Variants in SMARCA2 observed in about 807,000 individuals in gnomAD.
The protein encoded by SMARCA2 is SWI/SNF related BAF chromatin remodeling complex subunit ATPase 2, also known as SWI/SNF-related matrix-associated actin-dependent regulator of chromatin subfamily A member 2.
SMARCA2 carries 61 observed loss-of-function variants against 199.8 expected under a neutral mutation model. The ratio of observed to expected loss-of-function variants is 0.31; its 90% confidence interval spans 0.25 to 0.38. SMARCA2 has a LOEUF of 0.38. Ranked by LOEUF, SMARCA2 falls within the 10% of genes least tolerant of loss-of-function variation. The pLI is 1.00. For missense variants in SMARCA2, 1,344 were observed against 2,012.2 expected, an observed-to-expected ratio of 0.67 and a Z score of 6.35; for synonymous variants, 935 against 732.0, an observed-to-expected ratio of 1.28 and a Z score of -4.48.
At chr9:2,088,877 A>T (rs1212210957) in intron 19 of SMARCA2, among the ~76,000 whole-genome samples, 2 of 97,550 alleles carry the variant, frequency 2.1e-5, no homozygotes, top group Admixed American at 9.4e-5. Flanking sequence ...TTTTAATTTT[A>T]GATTTTTTTT....
intron 19 of SMARCA2, among the ~76,000 whole-genome samples, chr9:2,092,148 C>A (rs1339733432): frequency 1.3e-5 from 2 of 152,166 alleles, no homozygotes; most frequent in Non-Finnish European, 2.9e-5. Context: ...TTAAGGTTGT[C>A]TGTGCTGACT....
At chr9:2,074,553 A>G (rs1821237767) in intron 12 of SMARCA2, among the ~76,000 whole-genome samples, 1 of 152,190 alleles carries the variant, frequency 6.6e-6, no homozygotes, top group Non-Finnish European at 1.5e-5. Flanking sequence ...AAGTTACATT[A>G]CAAAAAAGCA....
intron 27 of SMARCA2, among the ~76,000 whole-genome samples, chr9:2,146,378 C>T (rs936610627): frequency 1.3e-5 from 2 of 152,068 alleles, no homozygotes; most frequent in African/African-American, 2.4e-5. Context: ...AAGAAATATG[C>T]GAAATCAGGA....
intron 1 of SMARCA2, 83 bp from the exon 2 acceptor site, chr9:2,028,904 C>A (rs931952317): frequency 4.4e-6 from 5 of 1,143,924 alleles, no homozygotes; most frequent in South Asian, 1.4e-5. Flanking sequence ...AGAAATGGCA[C>A]CATCAAATGC....
chr9:2,152,413 TGTG>T, intron 27 of SMARCA2, among the ~76,000 whole-genome samples: 1 of 151,318 alleles, frequency 6.6e-6, no homozygotes, highest in Admixed American at 6.6e-5. Context: ...ATTAGCCAGG[TGTG>T]GTGGCTCATG....
chr9:2,176,632 A>T (rs1586796352), intron 29 of SMARCA2, among the ~76,000 whole-genome samples: 1 of 151,344 alleles, frequency 6.6e-6, no homozygotes, highest in Non-Finnish European at 1.5e-5. Context: ...GCTCGCTGCG[A>T]CCTCTGCCTC....
intron 19 of SMARCA2, among the ~76,000 whole-genome samples, chr9:2,094,634 A>C (rs957162545): frequency 6.6e-6 from 1 of 152,204 alleles, no homozygotes; most frequent in Non-Finnish European, 1.5e-5. Flanking sequence ...TTCTATTTCA[A>C]ATCCTAACTG....
intron 25 of SMARCA2, among the ~76,000 whole-genome samples, chr9:2,118,202 T>A (rs894949389): frequency 6.6e-6 from 1 of 152,188 alleles, no homozygotes; most frequent in Non-Finnish European, 1.5e-5. Flanking sequence ...TATTTTGTAC[T>A]GTGAAGTCTG....
In SMARCA2 at chr9:2,110,059, CTGTTTCTTTCT is replaced by C. The variant is rs1822929412; in HGVS notation, c.3293-193_3293-183del. Among the ~76,000 whole-genome samples, 1 of 152,076 alleles carries C rather than the reference CTGTTTCTTTCT, an allele frequency of 6.6e-6. No homozygotes were observed. Among genetic ancestry groups the C allele is most frequent in the African/African-American group, 2.4e-5 (1 of 41,424 alleles). Reference sequence around the variant, plus strand: ...AGATGCCTCATTAGAAATGTTTAAGCTGTTTCTTTCTTTTTTTTTGTAATTGCAAAATGTTC... The same window carrying C: ...AGATGCCTCATTAGAAATGTTTAAGCTTTTTTTTGTAATTGCAAAATGTTC... On this transcript the variant is annotated intron_variant, in intron 23 of 33. Coordinates refer to ENST00000349721, the MANE Select transcript of SMARCA2 (RefSeq NM_003070.5). This position sits in a 1 kb window ranked among gnomAD's most constrained non-coding sequence, Gnocchi z 4.8.
intron 5 of SMARCA2, among the ~76,000 whole-genome samples, chr9:2,051,259 TCTC>T (rs1214829355): frequency 1.3e-5 from 2 of 152,164 alleles, no homozygotes; most frequent in African/African-American, 2.4e-5. Flanking sequence ...CCTTTCCTCT[TCTC>T]CTAGAGTTTG....
chr9:2,186,200 G>C lies in SMARCA2; in HGVS notation c.4566G>C (p.Glu1522Asp). The C allele has an allele frequency of 6.2e-7, 1 of 1,614,052 alleles. No homozygotes were observed. The highest frequency in any genetic ancestry group is 1.3e-5 in the African/African-American group (1 of 75,036). Residue 1522 changes from glutamate (E) to aspartate (D), a missense_variant, in exon 32 of 34, where the codon GAG (glutamate) becomes GAC (aspartate). Physicochemically the swap from Glu to Asp is conservative, Grantham distance 45. Coordinates refer to ENST00000349721, the MANE Select transcript of SMARCA2 (RefSeq NM_003070.5). ...ATGAAAGCAATGAAGAGGAGGAAGA[G>C]GAAGATGAAGAAGAGTCAGAGTCCG... ...SEDESNEEEE[E>D]EDEEESESEA...
Position 2,057,881 on chromosome 9 carries a change from T to C in SMARCA2, c.1348-410T>C, listed in dbSNP as rs549782539. Among the ~76,000 whole-genome samples the C allele has an allele frequency of 7.9e-5, 12 of 152,336 alleles. No homozygotes were observed. In the South Asian group the frequency reaches 2.5e-3, roughly 32 times the overall value. ...ATTTTGTGTCATACTCTAGGGTAGT[T>C]AGAGCAGAAAAACATTACTTTTGTG... On this transcript the variant is annotated intron_variant, in intron 7 of 33. Coordinates refer to ENST00000349721, the MANE Select transcript of SMARCA2 (RefSeq NM_003070.5).
intron 27 of SMARCA2, among the ~76,000 whole-genome samples, chr9:2,125,193 T>C (rs7036838): frequency 0.025 from 3,784 of 152,302 alleles, 93 homozygotes; most frequent in Non-Finnish European, 0.032. Context: ...TGGGAGCCTG[T>C]GATTCTGAAA....
At position 2,191,135 on chromosome 9, in the gene SMARCA2, G is replaced by A. The variant is rs375097601; in HGVS notation, c.4595-131G>A. ...GACTAGACAGAACCACACAGAACAG[G>A]CATAAACCGGGAATGTTCTGGGCAC... On this transcript the variant is annotated intron_variant, in intron 32 of 33. Transcript: ENST00000349721. 240 of 846,094 alleles carry A rather than the reference G, an allele frequency of 2.8e-4. No individual in the cohort carries two copies. The African/African-American group carries it at 3.7e-3, about 13-fold the overall frequency. 52.4% of individuals were successfully genotyped at this position (846,094 alleles called of 1,614,324 possible). A position where few individuals can be genotyped will look rare whatever the true frequency, so the allele number is the denominator to read the frequency against.
chr9:2,102,961 G>GTTT (rs111370241), intron 22 of SMARCA2, among the ~76,000 whole-genome samples: 52 of 137,590 alleles, frequency 3.8e-4, no homozygotes, highest in Admixed American at 5.1e-4. Context: ...CATGCTCCCT[G>GTTT]TTTTTTTTTT....
At chr9:2,188,518 G>T (rs890245524) in intron 32 of SMARCA2, among the ~76,000 whole-genome samples, 2 of 152,088 alleles carry the variant, frequency 1.3e-5, no homozygotes, top group African/African-American at 4.8e-5. Context: ...GAATACATCT[G>T]CATCATCTAT....
At chr9:2,062,159 C>G (rs1820622652) in intron 9 of SMARCA2, among the ~76,000 whole-genome samples, 1 of 152,154 alleles carries the variant, frequency 6.6e-6, no homozygotes, top group South Asian at 2.1e-4. Flanking sequence ...TACCACTGAA[C>G]TGTAGACTTA....
At chr9:2,183,965 T>A (rs553519804) in intron 31 of SMARCA2, among the ~76,000 whole-genome samples, 1 of 152,322 alleles carries the variant, frequency 6.6e-6, no homozygotes, top group East Asian at 1.9e-4. Context: ...ACAACTGAAA[T>A]AAGGTGTCAA....
Position 2,169,874 on chromosome 9 carries a change from C to T in SMARCA2, c.4200-545C>T, listed in dbSNP as rs1044080864. On this transcript the variant is annotated intron_variant, in intron 28 of 33. Coordinates refer to ENST00000349721, the MANE Select transcript of SMARCA2 (RefSeq NM_003070.5). The surrounding 1 kb of genome is among the most constrained non-coding windows in gnomAD (Gnocchi z 6.5). ...CTAAAGATCATGAATTCAGTGATCTCTCGAAAAGGAATAGAGCTCTTGGAA... is the reference window on the plus strand; with the variant it reads ...CTAAAGATCATGAATTCAGTGATCTTTCGAAAAGGAATAGAGCTCTTGGAA... 2.0e-5 allele frequency among the ~76,000 whole-genome samples: 3 copies of T among 152,178 alleles called. No individual in the cohort carries two copies. The highest frequency in any genetic ancestry group is 7.2e-5 in the African/African-American group (3 of 41,450).
Sources: gnomAD v4.1 joint callset for allele counts (sites outside exome capture counted in the v4.1 genomes callset) on GRCh38, gnomAD v4.1.1 for gene constraint, Gnocchi (gnomAD v3.1) non-coding constraint, MANE v1.5 for transcripts, NCBI Gene and HGNC (gene_info 2026-07-23, HGNC 2026-07-21) for gene names.